The following FRMD7 variants were observed in gnomAD, a reference collection of about 807,000 sequenced individuals.
FRMD7 encodes FERM domain-containing protein 7.
FRMD7 carries 14 observed loss-of-function variants against 44.1 expected under a neutral mutation model. The observed-to-expected ratio is 0.32, with a 90% CI of 0.21 to 0.50. The LOEUF is 0.50. FRMD7 is among the 20% of genes least tolerant of loss of function. The probability of loss-of-function intolerance (pLI) is 0.99; values close to 1 mark genes in which losing one functional copy is unlikely to be tolerated. For missense variants in FRMD7, 501 were observed against 522.3 expected, an observed-to-expected ratio of 0.96 and a Z score of 0.40; for synonymous variants, 212 against 187.4, an observed-to-expected ratio of 1.13 and a Z score of -1.07.
chrX:132,078,554 A>G lies in FRMD7; in HGVS notation c.1463T>C (p.Val488Ala). The change falls in exon 12 of 12, where the codon GTT becomes GCT. Residue 488 changes from valine to alanine, a missense_variant. Physicochemically the swap from Val to Ala is moderately conservative, Grantham distance 64. Around this residue, in one of 3 missense-constraint regions of FRMD7, gnomAD observed 453 missense variants for 452.7 expected, o/e 1.00. Coordinates refer to ENST00000298542, the MANE Select transcript of FRMD7 (RefSeq NM_194277.3). ...AAAGACCTGGGGAGGCATAATACCA[A>G]CCTGCTGACCTGTACAAGGAATATA... The part of the protein sequence containing the change: ...VPYIPCTGQQ[V>A]GIMPPQVFFY... 2 of 1,211,253 alleles carry G rather than the reference A, an allele frequency of 1.7e-6. No homozygotes were observed. The highest frequency in any genetic ancestry group is 3.5e-5 in the South Asian group (2 of 56,941).
At chrX:132,095,214 C>A (rs1415978764) in intron 4 of FRMD7, among the ~76,000 whole-genome samples, 1 of 109,114 alleles carries the variant, frequency 9.2e-6, no homozygotes, top group East Asian at 2.9e-4. Context: ...CCTGCCTCAG[C>A]CTTCCTAGCA....
intron 4 of FRMD7, among the ~76,000 whole-genome samples, chrX:132,096,317 C>A (rs1039346057): frequency 7.4e-4 from 71 of 96,077 alleles, no homozygotes; most frequent in East Asian, 8.9e-4. Flanking sequence ...TAACTGGCAA[C>A]CTTCTGTGAT....
intron 1 of FRMD7, among the ~76,000 whole-genome samples, chrX:132,111,312 A>G (rs1381275827): frequency 9.0e-6 from 1 of 110,689 alleles, no homozygotes; most frequent in African/African-American, 3.3e-5. Flanking sequence ...TAATTTTTGT[A>G]TTTTTGGTAG....
At chrX:132,125,651 T>C (rs898459146) in intron 1 of FRMD7, among the ~76,000 whole-genome samples, 2 of 112,149 alleles carry the variant, frequency 1.8e-5, no homozygotes, top group African/African-American at 3.2e-5. Flanking sequence ...GGGAACACTG[T>C]CCCACATAAT....
Position 132,080,016 on chromosome X carries a change from A to G in FRMD7, c.1040T>C (p.Val347Ala), listed in dbSNP as rs777152565. ...TTTCAGAAACCTTACTTGTTTTGAC[A>G]CATCAGAGAGGAGGTCTGGTGAGGA... ...CRSSPDLLSDVSKQVEDLRLA... is the reference protein window; with the variant it reads ...CRSSPDLLSDASKQVEDLRLA... The change falls in exon 11 of 12, where the codon GTG becomes GCG. Residue 347 changes from valine to alanine, a missense_variant. By Grantham distance (64) the Val-to-Ala change is moderately conservative. Transcript: ENST00000298542. 6 of 1,178,790 alleles carry G rather than the reference A, an allele frequency of 5.1e-6. No individual in the cohort carries two copies. Among genetic ancestry groups the G allele is most frequent in the East Asian group, 5.9e-5 (2 of 33,649 alleles).
chrX:132,095,601 C>A (rs981338088), intron 4 of FRMD7, among the ~76,000 whole-genome samples: 1 of 112,087 alleles, frequency 8.9e-6, no homozygotes, highest in East Asian at 2.8e-4. Flanking sequence ...ATTCAGTTTA[C>A]AAAAGCATTC....
intron 4 of FRMD7, among the ~76,000 whole-genome samples, chrX:132,095,055 ATATTTTATTTATTTATT>A (rs1294734241): frequency 9.9e-6 from 1 of 100,780 alleles, no homozygotes; most frequent in Non-Finnish European, 2.0e-5. Flanking sequence ...ATTGGTTCCA[ATATTTTATTTATTTATT>A]TATTTATTTA....
At chrX:132,099,809 C>T (rs752678458) in intron 2 of FRMD7, among the ~76,000 whole-genome samples, 1 of 111,925 alleles carries the variant, frequency 8.9e-6, no homozygotes, top group East Asian at 2.8e-4. Context: ...TCATTAGTTG[C>T]TACAAAGACT....
chrX:132,107,472 C>T (rs962219691), intron 1 of FRMD7, among the ~76,000 whole-genome samples: 4 of 111,347 alleles, frequency 3.6e-5, no homozygotes, highest in African/African-American at 1.3e-4. Flanking sequence ...GTGGCTCAAA[C>T]AATAGAAATT....
chrX:132,094,058 T>C lies in FRMD7; in HGVS notation c.366A>G (p.Val122=). Residue 122 remains valine (V), a synonymous_variant, in exon 5 of 12, where the codon GTA becomes GTG. Transcript: ENST00000298542. The part of the protein sequence containing the change: ...PCSDNCTALM[V]SHILQSELGD... Reference sequence around the variant, plus strand: ...GCTACTTACATTGTAAGATGTGAGATACCATCAACGCTGTACAGTTGTCAC... The same window carrying C: ...GCTACTTACATTGTAAGATGTGAGACACCATCAACGCTGTACAGTTGTCAC... 3 of 1,149,291 alleles carry C rather than the reference T, an allele frequency of 2.6e-6. No individual in the cohort carries two copies. Among genetic ancestry groups the C allele is most frequent in the South Asian group, 3.6e-5 (2 of 55,640 alleles). 94.7% of individuals were successfully genotyped at this position (1,149,291 alleles called of 1,213,427 possible).
chrX:132,120,524 G>A (rs1929008417), intron 1 of FRMD7, among the ~76,000 whole-genome samples: 1 of 113,047 alleles, frequency 8.8e-6, no homozygotes, highest in Non-Finnish European at 1.9e-5. Flanking sequence ...TAGCTCCAAA[G>A]CCAGTTCCCC....
intron 1 of FRMD7, among the ~76,000 whole-genome samples, chrX:132,109,134 A>G (rs1010470059): frequency 8.9e-6 from 1 of 111,895 alleles, no homozygotes; most frequent in African/African-American, 3.3e-5. Flanking sequence ...TTTCTCTCAG[A>G]TAAACCAGTA....
At position 132,078,052 on chromosome X, in the gene FRMD7, T is replaced by C. The variant is rs1403526198; in HGVS notation, c.1965A>G (p.Ser655=). 3 of 1,211,477 alleles carry C rather than the reference T, an allele frequency of 2.5e-6. No individual in the cohort carries two copies. The highest frequency in any genetic ancestry group is 4.6e-4 in the Middle Eastern group (2 of 4,354). ...YVASESSDSE[S]EILKPDYYAL... is the part of the protein sequence containing the mutation. ...CATAGTAGTCTGGTTTAAGAATCTC[T>C]GATTCAGAATCACTGGATTCACTAG... Residue 655 remains serine, a synonymous_variant, in exon 12 of 12, where the codon TCA becomes TCG. Coordinates refer to ENST00000298542, the MANE Select transcript of FRMD7 (RefSeq NM_194277.3).
chrX:132,093,812 G>C (rs186262153), intron 5 of FRMD7, among the ~76,000 whole-genome samples: 2 of 112,371 alleles, frequency 1.8e-5, no homozygotes, highest in East Asian at 5.6e-4. Flanking sequence ...GACTGGGGTA[G>C]AAGAAAATCA....
chrX:132,123,994 T>C (rs933224479), intron 1 of FRMD7, among the ~76,000 whole-genome samples: 4 of 111,864 alleles, frequency 3.6e-5, no homozygotes, highest in African/African-American at 1.3e-4. Flanking sequence ...TACAACTCTC[T>C]ATGTAACCTG....
intron 5 of FRMD7, 39 bp downstream of exon 5, chrX:132,094,003 G>C: frequency 1.2e-6 from 1 of 831,919 alleles, no homozygotes; most frequent in Non-Finnish European, 1.8e-6. Flanking sequence ...TCTCTACCTG[G>C]CTGATAGGTC....
rs5933070 is a variant in FRMD7 at position 132,096,536 on chromosome X, C to A, written c.284+730G>T. Among the ~76,000 whole-genome samples the A allele has an allele frequency of 1.1e-4, 11 of 103,716 alleles. No homozygotes were observed. In the South Asian group the frequency reaches 5.0e-3, roughly 47 times the overall value. The allele number at this position is 103,716 out of a possible 115,157, so 90.1% of individuals were successfully genotyped here. On this transcript the variant is annotated intron_variant, in intron 4 of 11. Coordinates refer to ENST00000298542, the MANE Select transcript of FRMD7 (RefSeq NM_194277.3). ...CTCAAGACCAGTCTGGGCAACATAG[C>A]AAAGCCCCATCTCTAAAAAAAAAAA... is the stretch of plus-strand genomic sequence containing the variant.
intron 2 of FRMD7, 86 bp downstream of exon 2, chrX:132,100,526 A>G (rs1928469787): frequency 1.6e-6 from 1 of 629,994 alleles, no homozygotes; most frequent in Non-Finnish European, 2.7e-6. Flanking sequence ...TTTTTCAATC[A>G]GGGAATTGAA....
chrX:132,122,431 C>T (rs768476741), intron 1 of FRMD7, among the ~76,000 whole-genome samples: 23 of 112,136 alleles, frequency 2.1e-4, no homozygotes, highest in Non-Finnish European at 3.9e-4. Flanking sequence ...ATTATCCCTT[C>T]TAAACTTGCT....
Sources: gnomAD v4.1 joint callset for allele counts (sites outside exome capture counted in the v4.1 genomes callset) on GRCh38, gnomAD v4.1.1 for gene constraint, gnomAD v4.1.1 regional missense constraint, MANE v1.5 for transcripts, NCBI Gene and HGNC (gene_info 2026-07-23, HGNC 2026-07-21) for gene names.